The following APBB2 variants were observed in gnomAD, a reference collection of about 807,000 sequenced individuals.
The protein encoded by APBB2 is amyloid beta precursor protein binding family B member 2, also known as Fe65-like 1.
A neutral mutation model predicts 82.5 loss-of-function variants in APBB2; 38 were observed. The ratio of observed to expected loss-of-function variants is 0.46; its 90% confidence interval spans 0.36 to 0.60. The LOEUF is 0.60. Ranked by LOEUF, APBB2 falls within the 20% of genes least tolerant of loss-of-function variation. The probability of loss-of-function intolerance (pLI) is 0.00; values close to 1 mark genes in which losing one functional copy is unlikely to be tolerated. For missense variants in APBB2, 772 were observed against 972.3 expected, an observed-to-expected ratio of 0.79 and a Z score of 2.74; for synonymous variants, 341 against 368.2, an observed-to-expected ratio of 0.93 and a Z score of 0.85.
chr4:41,161,084 T>C (rs977498340), intron 1 of APBB2, among the ~76,000 whole-genome samples: 17 of 149,522 alleles, frequency 1.1e-4, no homozygotes, highest in African/African-American at 3.5e-4. Context: ...TATGATATGA[T>C]GCCTCTTTGC....
chr4:41,203,228 AC>A (rs1167897605), intron 1 of APBB2, among the ~76,000 whole-genome samples: 5 of 152,220 alleles, frequency 3.3e-5, no homozygotes, highest in Non-Finnish European at 5.9e-5. Context: ...ACACGTGTAC[AC>A]GTAACAGCAG....
intron 12 of APBB2, among the ~76,000 whole-genome samples, chr4:40,830,931 A>C (rs1317583592): frequency 6.6e-6 from 1 of 152,178 alleles, no homozygotes; most frequent in Non-Finnish European, 1.5e-5. Context: ...AACCAAAAAA[A>C]AACAAAAAAC....
chr4:40,905,723 G>A (rs1362217993), intron 10 of APBB2, among the ~76,000 whole-genome samples: 1 of 152,220 alleles, frequency 6.6e-6, no homozygotes, highest in Non-Finnish European at 1.5e-5. Context: ...AGTGGGGGCT[G>A]AGATGACATT....
At chr4:40,845,805 T>C (rs1216866213) in intron 12 of APBB2, among the ~76,000 whole-genome samples, 1 of 152,070 alleles carries the variant, frequency 6.6e-6, no homozygotes, top group Non-Finnish European at 1.5e-5. Flanking sequence ...TGCATGCTTC[T>C]TTTTGATGTT....
At chr4:41,128,561 T>C (rs766515270) in intron 2 of APBB2, among the ~76,000 whole-genome samples, 5 of 152,244 alleles carry the variant, frequency 3.3e-5, no homozygotes, top group Non-Finnish European at 7.3e-5. Flanking sequence ...TTTTAAGCCT[T>C]CTAATAACTT....
intron 10 of APBB2, among the ~76,000 whole-genome samples, chr4:40,929,517 T>G (rs1218930670): frequency 6.6e-6 from 1 of 152,164 alleles, no homozygotes; most frequent in Non-Finnish European, 1.5e-5. Context: ...GCCAGGATGG[T>G]CTCGATCTCC....
In APBB2 at chr4:40,981,233, T is replaced by A. The variant is rs146915132; in HGVS notation, c.835+32350A>T. Among the ~76,000 whole-genome samples, 1,053 of 152,008 alleles carry A rather than the reference T, an allele frequency of 6.9e-3. 17 individuals are homozygous for A. Among genetic ancestry groups the A allele is most frequent in the African/African-American group, 0.024 (992 of 41,432 alleles). On this transcript the variant is annotated intron_variant, in intron 6 of 17. Transcript: ENST00000508593. The stretch of plus-strand genomic sequence containing the variant: ...TCCTGGCCAACATGGTAAAACCCCA[T>A]CTCCACTAAAAATACGAAAATTAGC...
intron 1 of APBB2, among the ~76,000 whole-genome samples, chr4:41,175,501 A>C (rs983397815): frequency 6.6e-6 from 1 of 152,154 alleles, no homozygotes; most frequent in Non-Finnish European, 1.5e-5. Context: ...AATAAAAAAG[A>C]CTAGATTTTC....
At chr4:41,115,411 G>T (rs950981755) in intron 2 of APBB2, among the ~76,000 whole-genome samples, 5 of 152,064 alleles carry the variant, frequency 3.3e-5, no homozygotes, top group Non-Finnish European at 1.5e-5. Context: ...CATAGGCATG[G>T]GCAAAGACTT....
At chr4:40,962,094 G>A (rs1793452001) in intron 6 of APBB2, among the ~76,000 whole-genome samples, 1 of 152,144 alleles carries the variant, frequency 6.6e-6, no homozygotes. Flanking sequence ...ACACACCTGT[G>A]GAATAGCTTG....
intron 6 of APBB2, among the ~76,000 whole-genome samples, chr4:40,983,804 T>C (rs1413234995): frequency 1.3e-5 from 2 of 152,232 alleles, no homozygotes; most frequent in Non-Finnish European, 2.9e-5. Flanking sequence ...CTCGAAATCC[T>C]GAACTCAAGT....
chr4:41,128,996 T>G (rs1267525842), intron 2 of APBB2, among the ~76,000 whole-genome samples: 2 of 152,136 alleles, frequency 1.3e-5, no homozygotes, highest in Non-Finnish European at 2.9e-5. Flanking sequence ...AAGACTCTAC[T>G]TCCTACTCCC....
At chr4:40,967,276 C>T (rs549995574) in intron 6 of APBB2, among the ~76,000 whole-genome samples, 38 of 152,274 alleles carry the variant, frequency 2.5e-4, no homozygotes, top group African/African-American at 7.0e-4. Flanking sequence ...TCTTCCTGGA[C>T]GTAGGACAAG....
At position 40,823,763 on chromosome 4, in the gene APBB2, G is replaced by A; in HGVS notation, c.1817-4C>T. 1 of 1,599,116 alleles carries A rather than the reference G, an allele frequency of 6.3e-7. No homozygotes were observed. The highest frequency in any genetic ancestry group is 8.6e-7 in the Non-Finnish European group (1 of 1,168,306). On this transcript the variant is annotated splice_polypyrimidine_tract_variant and splice_region_variant and intron_variant, in intron 15 of 17. Coordinates refer to ENST00000508593, the MANE Select transcript of APBB2 (RefSeq NM_004307.2). ...GCACTGTTCAAAATATCCATTCCTG[G>A]GGACAGAAAAGGATAATTTAAAGTG...
intron 10 of APBB2, among the ~76,000 whole-genome samples, chr4:40,924,645 A>G (rs1037398759): frequency 1.3e-5 from 2 of 152,238 alleles, no homozygotes; most frequent in African/African-American, 2.4e-5. Flanking sequence ...GCACTGAGCC[A>G]GGAAGCAGGT....
chr4:40,836,247 C>T (rs747637692), intron 12 of APBB2, among the ~76,000 whole-genome samples: 6 of 152,216 alleles, frequency 3.9e-5, no homozygotes, highest in Admixed American at 6.5e-5. Context: ...GAGGCCAAGG[C>T]GGGTGGATCT....
intron 12 of APBB2, among the ~76,000 whole-genome samples, chr4:40,834,903 T>C (rs1184431634): frequency 2.6e-5 from 4 of 152,236 alleles, no homozygotes; most frequent in Non-Finnish European, 5.9e-5. Flanking sequence ...TGGCCATTTG[T>C]TACAGCAACA....
intron 1 of APBB2, among the ~76,000 whole-genome samples, chr4:41,145,100 A>AC (rs763006585): frequency 1.5e-4 from 23 of 152,202 alleles, no homozygotes; most frequent in Non-Finnish European, 2.1e-4. Flanking sequence ...AGTCTGGGAG[A>AC]CAGAGTGAGA....
At chr4:40,894,242 C>T (rs905513848) in intron 10 of APBB2, among the ~76,000 whole-genome samples, 2 of 149,306 alleles carry the variant, frequency 1.3e-5, no homozygotes, top group Non-Finnish European at 3.0e-5. Flanking sequence ...GAGCCGAGAT[C>T]GCGCCACTGC....
Sources: gnomAD v4.1 joint callset for allele counts (sites outside exome capture counted in the v4.1 genomes callset) on GRCh38, gnomAD v4.1.1 for gene constraint, MANE v1.5 for transcripts, NCBI Gene and HGNC (gene_info 2026-07-23, HGNC 2026-07-21) for gene names.